TBC1D4: variants seen among roughly 807,000 people sequenced by gnomAD.
TBC1D4 encodes TBC1 domain family member 4, also known as TBC (Tre-2, BUB2, CDC16) domain-containing protein.
In TBC1D4, 121 loss-of-function variants were observed where a neutral mutation model predicts 142.5. That is an observed-to-expected ratio of 0.85 (90% CI 0.73 to 0.99). The LOEUF is 0.99. TBC1D4 is among the 50% of genes least tolerant of loss of function. The probability of loss-of-function intolerance (pLI) is 0.00; values close to 1 mark genes in which losing one functional copy is unlikely to be tolerated. For synonymous variants in TBC1D4, 630 were observed against 628.2 expected (o/e 1.00, Z -0.04); for missense variants, 1,475 against 1,606.6 (o/e 0.92, Z 1.40).
At chr13:75,472,693 G>A (rs1888467594) in intron 1 of TBC1D4, among the ~76,000 whole-genome samples, 1 of 152,076 alleles carries the variant, frequency 6.6e-6, no homozygotes, top group African/African-American at 2.4e-5. Flanking sequence ...GGCAAGTAGT[G>A]CACAATCTGT....
chr13:75,390,545 T>C (rs1486587845), intron 1 of TBC1D4, among the ~76,000 whole-genome samples: 1 of 152,076 alleles, frequency 6.6e-6, no homozygotes, highest in Non-Finnish European at 1.5e-5. Flanking sequence ...CAGATTCCCA[T>C]TCTCATTTAG....
chr13:75,393,116 TACACACACACACACACAC>T (rs34205789), intron 1 of TBC1D4, among the ~76,000 whole-genome samples: 1 of 141,400 alleles, frequency 7.1e-6, no homozygotes, highest in Non-Finnish European at 1.5e-5. Flanking sequence ...TAAATTAAAA[TACACACACACACACACAC>T]ACACACACAC....
In TBC1D4 at chr13:75,482,146, C is replaced by T. The variant is rs1888920527; in HGVS notation, c.-379G>A. On this transcript the variant is annotated 5_prime_UTR_variant, in exon 1 of 21. Transcript: ENST00000377636. ...CAGCGCTGCAGCCCCGCTGCGGCCG[C>T]CGCGCTCGCCTGGGGCAGACACTGG... is the stretch of plus-strand genomic sequence containing the variant. 1 of 189,230 alleles carries T rather than the reference C, an allele frequency of 5.3e-6. No individual in the cohort carries two copies. The highest frequency in any genetic ancestry group is 2.3e-5 in the African/African-American group (1 of 42,842). The allele number at this position is 189,230 out of a possible 1,614,324, so 11.7% of individuals were successfully genotyped here. A position where few individuals can be genotyped will look rare whatever the true frequency, so the allele number is the denominator to read the frequency against.
chr13:75,314,875 G>C (rs1458458262), intron 12 of TBC1D4, among the ~76,000 whole-genome samples: 1 of 151,802 alleles, frequency 6.6e-6, no homozygotes, highest in Non-Finnish European at 1.5e-5. Flanking sequence ...AGTTGCTTGG[G>C]AGGCTGAGGC....
At chr13:75,460,154 T>A (rs1370943108) in intron 1 of TBC1D4, among the ~76,000 whole-genome samples, 81 of 149,556 alleles carry the variant, frequency 5.4e-4, no homozygotes, top group African/African-American at 1.8e-3. Context: ...AAAATAAAAA[T>A]AAAAAAAAAA....
rs1490542149 is a variant in TBC1D4, at chr13:75,299,961, C to A, written c.2912-387G>T. Among the ~76,000 whole-genome samples the A allele has an allele frequency of 3.9e-5, 6 of 152,020 alleles. No individual in the cohort carries two copies. The South Asian group carries it at 1.0e-3, about 26-fold the overall frequency. On this transcript the variant is annotated intron_variant, in intron 16 of 20. Coordinates refer to ENST00000377636, the MANE Select transcript of TBC1D4 (RefSeq NM_014832.5). ...CAAATTCTAATTCATATAAAGACTA[C>A]CTTCTAAATGAAACCAGAAGTCTGT...
At chr13:75,368,624 T>C (rs1168806604) in intron 1 of TBC1D4, among the ~76,000 whole-genome samples, 2 of 152,238 alleles carry the variant, frequency 1.3e-5, no homozygotes, top group Non-Finnish European at 2.9e-5. Context: ...GTTGAATTCC[T>C]TCTGTAAAAG....
In TBC1D4 at chr13:75,313,940, T is replaced by C. The variant is rs570622110; in HGVS notation, c.2223-1042A>G. On this transcript the variant is annotated intron_variant, in intron 12 of 20. Transcript: ENST00000377636. ...CAGTGTATAGAAATTCCCCAACTTATTGAAATTAATTGATTCTAGAATCAC... is the reference window on the plus strand; with the variant it reads ...CAGTGTATAGAAATTCCCCAACTTACTGAAATTAATTGATTCTAGAATCAC... Among the ~76,000 whole-genome samples the C allele has an allele frequency of 3.3e-4, 50 of 152,334 alleles. No homozygotes were observed. The South Asian group carries it at 8.9e-3, about 27-fold the overall frequency.
At chr13:75,412,830 A>T (rs144885893) in intron 1 of TBC1D4, among the ~76,000 whole-genome samples, 1 of 152,374 alleles carries the variant, frequency 6.6e-6, no homozygotes, top group Non-Finnish European at 1.5e-5. Context: ...ATTGTTGCAG[A>T]GAAGTTAGTT....
At chr13:75,311,929 T>C (rs1877797547) in intron 13 of TBC1D4, among the ~76,000 whole-genome samples, 1 of 152,194 alleles carries the variant, frequency 6.6e-6, no homozygotes, top group Non-Finnish European at 1.5e-5. Context: ...TATTTATTTG[T>C]GTTACTCAAA....
intron 1 of TBC1D4, among the ~76,000 whole-genome samples, chr13:75,427,759 A>C (rs940224316): frequency 3.9e-5 from 6 of 152,224 alleles, no homozygotes; most frequent in African/African-American, 1.4e-4. Context: ...TGATCTTTGC[A>C]TCCTTCACAC....
intron 1 of TBC1D4, among the ~76,000 whole-genome samples, chr13:75,426,110 T>A (rs909771170): frequency 6.6e-6 from 1 of 152,092 alleles, no homozygotes; most frequent in African/African-American, 2.4e-5. Flanking sequence ...TGAAATAAAA[T>A]TTTTAATGGG....
intron 1 of TBC1D4, among the ~76,000 whole-genome samples, chr13:75,409,286 C>G (rs1409139707): frequency 6.6e-6 from 1 of 152,050 alleles, no homozygotes; most frequent in Non-Finnish European, 1.5e-5. Flanking sequence ...CCTTTTTGCT[C>G]AATTTGTTTT....
At chr13:75,361,864 C>T (rs1487369632) in intron 2 of TBC1D4, among the ~76,000 whole-genome samples, 162 bp downstream of exon 2, 9 of 152,132 alleles carry the variant, frequency 5.9e-5, no homozygotes, top group African/African-American at 2.2e-4. Context: ...CCCTACTTTC[C>T]TCTGCACTCT....
intron 1 of TBC1D4, among the ~76,000 whole-genome samples, chr13:75,466,348 C>T (rs1238543397): frequency 3.9e-5 from 6 of 152,196 alleles, no homozygotes; most frequent in African/African-American, 1.2e-4. Context: ...GCATTTACTC[C>T]ATCCGCACTA....
chr13:75,359,455 G>T (rs965644071), intron 3 of TBC1D4, among the ~76,000 whole-genome samples: 15 of 152,180 alleles, frequency 9.9e-5, no homozygotes, highest in Admixed American at 9.8e-4. Context: ...AACTAACTGT[G>T]AAGGTATTTT....
chr13:75,424,976 C>T lies in TBC1D4; in HGVS notation c.498+56294G>A, dbSNP rs144021616. ...AGTATGACCCCAAAGGCACAGGCAA[C>T]AAAAGCAAAAATAGACAAATGGGAT... On this transcript the variant is annotated intron_variant, in intron 1 of 20. Coordinates refer to ENST00000377636, the MANE Select transcript of TBC1D4 (RefSeq NM_014832.5). Among the ~76,000 whole-genome samples the T allele has an allele frequency of 9.7e-3, 1,477 of 151,908 alleles. 30 individuals are homozygous for T. Among genetic ancestry groups the T allele is most frequent in the African/African-American group, 0.034 (1,407 of 41,400 alleles).
intron 1 of TBC1D4, among the ~76,000 whole-genome samples, chr13:75,413,668 T>C (rs1216535088): frequency 6.6e-6 from 1 of 152,192 alleles, no homozygotes; most frequent in East Asian, 1.9e-4. Flanking sequence ...GAGGCCAGAC[T>C]GTTAGTCTTA....
At chr13:75,451,958 T>C (rs772097383) in intron 1 of TBC1D4, among the ~76,000 whole-genome samples, 67 of 152,008 alleles carry the variant, frequency 4.4e-4, no homozygotes, top group Non-Finnish European at 9.1e-4. Context: ...TAATTTTATA[T>C]TTTTTGATGA....
Sources: gnomAD v4.1 joint callset for allele counts (sites outside exome capture counted in the v4.1 genomes callset) on GRCh38, gnomAD v4.1.1 for gene constraint, MANE v1.5 for transcripts, NCBI Gene and HGNC (gene_info 2026-07-23, HGNC 2026-07-21) for gene names.